The following PRKN variants were observed in gnomAD, a reference collection of about 807,000 sequenced individuals.
The protein encoded by PRKN is E3 ubiquitin-protein ligase parkin.
Under a neutral mutation model 59.5 loss-of-function variants are expected in PRKN, and 56 were observed. The ratio of observed to expected loss-of-function variants is 0.94; its 90% CI spans 0.76 to 1.18. PRKN has a LOEUF of 1.18. PRKN is among the 50% of genes most tolerant of loss of function. PRKN has a pLI of 0.00. For synonymous variants in PRKN, 250 were observed against 222.1 expected, an observed-to-expected ratio of 1.13 and a Z score of -1.12; for missense variants, 657 against 596.4, an observed-to-expected ratio of 1.10 and a Z score of -1.06.
intron 2 of PRKN, among the ~76,000 whole-genome samples, chr6:162,425,132 T>C (rs1239372647): frequency 6.6e-6 from 1 of 152,148 alleles, no homozygotes; most frequent in Non-Finnish European, 1.5e-5. Flanking sequence ...GACCTTACAT[T>C]TGATGGTTTG....
At chr6:161,365,199 A>T (rs1785152196) in intron 10 of PRKN, among the ~76,000 whole-genome samples, 2 of 152,236 alleles carry the variant, frequency 1.3e-5, no homozygotes, top group Non-Finnish European at 2.9e-5. Flanking sequence ...AGAATGTAAT[A>T]GAAAGTATAA....
Position 161,458,825 on chromosome 6 carries a change from A to C in PRKN, c.1084-71948T>G, listed in dbSNP as rs1222600987. Among the ~76,000 whole-genome samples, 1 of 152,166 alleles carries C rather than the reference A, an allele frequency of 6.6e-6. No individual in the cohort carries two copies. The highest frequency in any genetic ancestry group is 1.5e-5 in the Non-Finnish European group (1 of 68,036). On this transcript the variant is annotated intron_variant, in intron 9 of 11. Coordinates refer to ENST00000366898, the MANE Select transcript of PRKN (RefSeq NM_004562.3). This position sits in a 1 kb window ranked among gnomAD's most constrained non-coding sequence, Gnocchi z 6.1. ...ATACTGACTTTGCCAGAAATTCGTA[A>C]ATTTTTAGGAAAGTGAAGAGCATAT...
intron 5 of PRKN, among the ~76,000 whole-genome samples, chr6:162,050,899 C>A (rs1230581541): frequency 2.0e-5 from 3 of 152,148 alleles, no homozygotes; most frequent in Non-Finnish European, 4.4e-5. Context: ...TCGAATCCAG[C>A]CAAGACAGGG....
chr6:161,551,569 T>A lies in PRKN; in HGVS notation c.934-2566A>T, dbSNP rs1210514731. Among the ~76,000 whole-genome samples the A allele has an allele frequency of 2.6e-5, 4 of 152,112 alleles. No homozygotes were observed. The highest frequency in any genetic ancestry group is 9.7e-5 in the African/African-American group (4 of 41,426). ...GGAGGCTGCCATGATGAGCTGTGGT[T>A]GGAGCTGGGTGTGTGGCTGCCATTG... On this transcript the variant is annotated intron_variant, in intron 8 of 11. Coordinates refer to ENST00000366898, the MANE Select transcript of PRKN (RefSeq NM_004562.3). This position sits in a 1 kb window ranked among gnomAD's most constrained non-coding sequence, Gnocchi z 5.2.
intron 7 of PRKN, among the ~76,000 whole-genome samples, chr6:161,719,464 C>T (rs1218240334): frequency 6.6e-6 from 1 of 152,078 alleles, no homozygotes; most frequent in Non-Finnish European, 1.5e-5. Context: ...ACCTTTGTAC[C>T]ACAAAAGCTT....
At chr6:161,489,388 T>C (rs952506945) in intron 9 of PRKN, among the ~76,000 whole-genome samples, 9 of 151,748 alleles carry the variant, frequency 5.9e-5, no homozygotes, top group Non-Finnish European at 7.4e-5. Context: ...GGTGAAACCC[T>C]GTCTCTACTA....
chr6:162,403,679 G>T (rs1787915856), intron 2 of PRKN, among the ~76,000 whole-genome samples: 1 of 152,054 alleles, frequency 6.6e-6, no homozygotes, highest in Non-Finnish European at 1.5e-5. Flanking sequence ...ATTCAGGAAT[G>T]GGGAAAAAAG....
chr6:162,242,855 C>A (rs2128092327), intron 3 of PRKN, among the ~76,000 whole-genome samples: 1 of 152,184 alleles, frequency 6.6e-6, no homozygotes, highest in Middle Eastern at 3.4e-3. Context: ...ACTGCATCTT[C>A]ATGGTAAGGA....
At chr6:162,325,198 G>A (rs1456347191) in intron 2 of PRKN, among the ~76,000 whole-genome samples, 1 of 152,100 alleles carries the variant, frequency 6.6e-6, no homozygotes, top group Non-Finnish European at 1.5e-5. Flanking sequence ...TAAGCTCTTT[G>A]AATGTAAAGA....
chr6:162,094,466 A>G (rs548894783), intron 4 of PRKN, among the ~76,000 whole-genome samples: 19 of 152,292 alleles, frequency 1.2e-4, no homozygotes, highest in South Asian at 6.2e-4. Flanking sequence ...CCTGGGTGAC[A>G]GAGGAAGACC....
intron 6 of PRKN, among the ~76,000 whole-genome samples, chr6:161,919,480 C>T (rs565850630): frequency 1.1e-4 from 16 of 152,224 alleles, no homozygotes; most frequent in African/African-American, 3.9e-4. Flanking sequence ...GGACATATAC[C>T]TGGAGGATTT....
At chr6:162,418,131 T>A (rs897183919) in intron 2 of PRKN, among the ~76,000 whole-genome samples, 3 of 152,176 alleles carry the variant, frequency 2.0e-5, no homozygotes, top group Admixed American at 2.0e-4. Flanking sequence ...CATTAGTGGA[T>A]AAATAAAATA....
At chr6:162,031,390 T>C (rs1403213352) in intron 5 of PRKN, among the ~76,000 whole-genome samples, 2 of 145,966 alleles carry the variant, frequency 1.4e-5, no homozygotes, top group African/African-American at 5.5e-5. Flanking sequence ...ATCCTCCACA[T>C]CCCTCTCAAC....
chr6:161,965,698 T>C (rs1273127812), intron 6 of PRKN, among the ~76,000 whole-genome samples: 7 of 152,024 alleles, frequency 4.6e-5, no homozygotes, highest in Admixed American at 4.6e-4. Flanking sequence ...AAGAAATACA[T>C]TAGTTTGGTC....
chr6:162,366,028 C>G (rs1388439464), intron 2 of PRKN, among the ~76,000 whole-genome samples: 1 of 152,154 alleles, frequency 6.6e-6, no homozygotes, highest in Non-Finnish European at 1.5e-5. Flanking sequence ...GATTTGTACA[C>G]ACAAAATATT....
intron 6 of PRKN, among the ~76,000 whole-genome samples, chr6:161,789,932 C>A (rs1790573129): frequency 6.7e-6 from 1 of 150,280 alleles, no homozygotes; most frequent in Admixed American, 6.6e-5. Context: ...TCTTATTGAA[C>A]ATCTACTTTG....
chr6:162,213,402 A>G (rs1221335610), intron 3 of PRKN, among the ~76,000 whole-genome samples: 1 of 151,878 alleles, frequency 6.6e-6, no homozygotes, highest in African/African-American at 2.4e-5. Context: ...CACAATGCAT[A>G]CACAACTGGG....
intron 9 of PRKN, among the ~76,000 whole-genome samples, chr6:161,389,149 A>G (rs573194204): frequency 6.6e-6 from 1 of 152,300 alleles, no homozygotes; most frequent in East Asian, 1.9e-4. Flanking sequence ...CCCAAAATAT[A>G]CCATAATTCC....
At chr6:162,025,319 G>A (rs921774612) in intron 5 of PRKN, among the ~76,000 whole-genome samples, 1 of 151,924 alleles carries the variant, frequency 6.6e-6, no homozygotes, top group Admixed American at 6.6e-5. Context: ...TTTAAATTAT[G>A]TATTATTTAT....
Sources: gnomAD v4.1 joint callset for allele counts (sites outside exome capture counted in the v4.1 genomes callset) on GRCh38, gnomAD v4.1.1 for gene constraint, Gnocchi (gnomAD v3.1) non-coding constraint, MANE v1.5 for transcripts, NCBI Gene and HGNC (gene_info 2026-07-23, HGNC 2026-07-21) for gene names.